The following PRAG1 variants were observed in gnomAD, a reference collection of about 807,000 sequenced individuals.
The protein encoded by PRAG1 is PEAK1 related, kinase-activating pseudokinase 1.
PRAG1 carries 110 observed loss-of-function variants against 95.6 expected under a neutral mutation model. That is an observed-to-expected ratio of 1.15 (90% confidence interval 0.99 to 1.35). The LOEUF (loss-of-function observed/expected upper bound fraction) is 1.35. PRAG1 is among the 40% of genes most tolerant of loss of function. The pLI, the probability that PRAG1 is intolerant of heterozygous loss-of-function variation, is 0.00. For synonymous variants in PRAG1, 1,052 were observed against 819.4 expected (o/e 1.28, Z -4.85); for missense variants, 2,554 against 1,864.7 (o/e 1.37, Z -6.81).
At position 8,376,859 on chromosome 8, in the gene PRAG1, G is replaced by A. The variant is rs1296115326; in HGVS notation, c.1550C>T (p.Thr517Ile). 3 of 1,613,014 alleles carry A rather than the reference G, an allele frequency of 1.9e-6. No homozygotes were observed. The highest frequency in any genetic ancestry group is 2.7e-5 in the African/African-American group (2 of 74,948). Reference sequence around the variant, plus strand: ...GGAGCTCAGCCCCTGCCCAGCCGAAGTCTCCTCTTCACCTACCTCGGAGTT... The same window carrying A: ...GGAGCTCAGCCCCTGCCCAGCCGAAATCTCCTCTTCACCTACCTCGGAGTT... ...SQNSEVGEEE[T>I]SAGQGLSSRE... is the part of the protein sequence containing the mutation. The change falls in exon 3 of 6, where the codon ACT becomes ATT. Residue 517 changes from threonine to isoleucine, a missense_variant. By Grantham distance (89) the Thr-to-Ile change is moderately conservative. Coordinates refer to ENST00000615670, the MANE Select transcript of PRAG1 (RefSeq NM_001080826.3).
intron 4 of PRAG1, among the ~76,000 whole-genome samples, chr8:8,339,165 A>G (rs1324101912): frequency 6.6e-6 from 1 of 152,232 alleles, no homozygotes; most frequent in Non-Finnish European, 1.5e-5. Context: ...TCCTGAGGAC[A>G]GAAGTAAAAA....
intron 5 of PRAG1, among the ~76,000 whole-genome samples, chr8:8,326,760 G>C (rs142657438): frequency 5.3e-5 from 8 of 152,296 alleles, no homozygotes; most frequent in Non-Finnish European, 1.2e-4. Flanking sequence ...TTAGGCTTTG[G>C]AGACAGACAC....
At chr8:8,375,563 C>T (rs1800358589) in intron 3 of PRAG1, among the ~76,000 whole-genome samples, 2 of 152,168 alleles carry the variant, frequency 1.3e-5, no homozygotes, top group Admixed American at 1.3e-4. Flanking sequence ...TTCCTCTTTT[C>T]TGCTTTTGGC....
intron 4 of PRAG1, among the ~76,000 whole-genome samples, chr8:8,338,788 A>G (rs989334009): frequency 1.6e-4 from 25 of 152,234 alleles, no homozygotes; most frequent in African/African-American, 6.0e-4. Flanking sequence ...ATGTGAGTAC[A>G]AGTCTAAATC....
Position 8,317,918 on chromosome 8 carries a change from GAAGAA to G in PRAG1, c.*231_*235del, listed in dbSNP as rs1798326733. 3.1e-6 allele frequency: 1 copy of G among 319,030 alleles called. No homozygotes were observed. The allele number at this position is 319,030 out of a possible 1,614,324, so 19.8% of individuals were successfully genotyped here. On this transcript the variant is annotated 3_prime_UTR_variant, in exon 6 of 6. Coordinates refer to ENST00000615670, the MANE Select transcript of PRAG1 (RefSeq NM_001080826.3). ...GGAACTGGAAATGTGTATAATTACA[GAAGAA>G]AACAGGGAGGACTTAGTGCAGAGAG...
At chr8:8,361,399 G>A (rs997920077) in intron 3 of PRAG1, among the ~76,000 whole-genome samples, 16 of 152,212 alleles carry the variant, frequency 1.1e-4, no homozygotes, top group Non-Finnish European at 1.6e-4. Context: ...TCAGGTCTGG[G>A]ATCGGGTCCG....
At chr8:8,374,554 C>T in intron 3 of PRAG1, 1 of 722,498 alleles carries the variant, frequency 1.4e-6, no homozygotes, top group South Asian at 6.4e-5. Context: ...ATTCCTACCT[C>T]TTAGGGCTGT....
intron 1 of PRAG1, among the ~76,000 whole-genome samples, chr8:8,384,133 G>C (rs535691536): frequency 1.2e-4 from 18 of 152,290 alleles, no homozygotes; most frequent in Non-Finnish European, 2.5e-4. Flanking sequence ...CTGAGGAGGT[G>C]GGTGCCCAAC....
At chr8:8,356,017 AC>A (rs1563244640) in intron 3 of PRAG1, among the ~76,000 whole-genome samples, 1 of 152,230 alleles carries the variant, frequency 6.6e-6, no homozygotes, top group African/African-American at 2.4e-5. Flanking sequence ...ATGTTTGCAA[AC>A]CACGTGTCTG....
Position 8,318,653 on chromosome 8 carries a change from G to C in PRAG1, c.3722C>G (p.Pro1241Arg), listed in dbSNP as rs1311508022. ...QQKKSQARLAPEIVSASQYRK... is the reference protein window; with the variant it reads ...QQKKSQARLAREIVSASQYRK... ...GTACTGGGAAGCAGACACGATCTCG[G>C]GGGCCAGCCGGGCCTGGCTCTTCTT... is the stretch of plus-strand genomic sequence containing the variant. Residue 1241 changes from proline to arginine, a missense_variant, in exon 6 of 6, where the codon CCC becomes CGC. Coordinates refer to ENST00000615670, the MANE Select transcript of PRAG1 (RefSeq NM_001080826.3). The surrounding 1 kb of genome is among the most constrained non-coding windows in gnomAD (Gnocchi z 4.2). The C allele has an allele frequency of 1.9e-6, 3 of 1,612,072 alleles. No homozygotes were observed. Among genetic ancestry groups the C allele is most frequent in the Non-Finnish European group, 2.5e-6 (3 of 1,179,898 alleles).
chr8:8,327,554 AG>A (rs766221590), intron 5 of PRAG1, among the ~76,000 whole-genome samples, 155 bp downstream of exon 5: 9 of 152,170 alleles, frequency 5.9e-5, no homozygotes, highest in Non-Finnish European at 7.3e-5. Flanking sequence ...TGGGCAACAA[AG>A]TGAGACTCTT....
intron 3 of PRAG1, among the ~76,000 whole-genome samples, chr8:8,361,044 C>A (rs750091608): frequency 2.0e-5 from 3 of 152,156 alleles, no homozygotes; most frequent in African/African-American, 4.8e-5. Flanking sequence ...AAGTATATAA[C>A]TGAGGGCCTA....
chr8:8,375,532 G>T (rs1011539399), intron 3 of PRAG1, among the ~76,000 whole-genome samples: 30 of 152,004 alleles, frequency 2.0e-4, no homozygotes, highest in Non-Finnish European at 3.1e-4. Flanking sequence ...ACATCTGAGG[G>T]TTCCTAACCA....
chr8:8,322,204 A>T (rs1798492810), intron 5 of PRAG1, among the ~76,000 whole-genome samples: 3 of 151,804 alleles, frequency 2.0e-5, no homozygotes, highest in Admixed American at 2.0e-4. Flanking sequence ...TGTTTTTGAG[A>T]TGGAGTCTCT....
intron 3 of PRAG1, among the ~76,000 whole-genome samples, chr8:8,348,147 G>A (rs947669531): frequency 6.6e-6 from 1 of 152,186 alleles, no homozygotes; most frequent in Non-Finnish European, 1.5e-5. Flanking sequence ...GAACTCCTGA[G>A]CTGAAGTAAT....
chr8:8,376,146 A>G, intron 3 of PRAG1, 101 bp downstream of exon 3: 7 of 1,486,276 alleles, frequency 4.7e-6, no homozygotes, highest in Non-Finnish European at 6.3e-6. Flanking sequence ...CTTTGGGCAG[A>G]TTCTGGGACC....
In PRAG1 at chr8:8,318,297, C is replaced by A. The variant is rs747535203; in HGVS notation, c.4078G>T (p.Ala1360Ser). The A allele has an allele frequency of 3.1e-6, 5 of 1,614,070 alleles. No individual in the cohort carries two copies. In the African/African-American group the frequency reaches 6.7e-5, roughly 22 times the overall value. ...TLHNWIDMKR[A>S]LMMMKFAEKA... ...TCCGCAAACTTCATCATCATCAGGG[C>A]CCGCTTCATGTCGATCCAGTTGTGC... The change falls in exon 6 of 6, where the codon GCC becomes TCC. Residue 1360 changes from alanine (A) to serine (S), a missense_variant. Transcript: ENST00000615670. This position sits in a 1 kb window ranked among gnomAD's most constrained non-coding sequence, Gnocchi z 4.2.
intron 1 of PRAG1, among the ~76,000 whole-genome samples, chr8:8,383,996 T>C (rs1449600358): frequency 6.6e-6 from 1 of 152,184 alleles, no homozygotes; most frequent in Non-Finnish European, 1.5e-5. Flanking sequence ...GAAAGGACAC[T>C]GTCCAGCCCA....
chr8:8,365,913 G>C (rs971216311), intron 3 of PRAG1, among the ~76,000 whole-genome samples: 2 of 152,110 alleles, frequency 1.3e-5, no homozygotes, highest in African/African-American at 4.8e-5. Flanking sequence ...CCAAGAGGTG[G>C]AGATTGCAGT....
Sources: allele counts gnomAD v4.1 joint callset (sites outside exome capture counted in the v4.1 genomes callset), GRCh38; gene constraint gnomAD v4.1.1; non-coding constraint Gnocchi (gnomAD v3.1); transcripts MANE v1.5; gene names NCBI Gene and HGNC (gene_info 2026-07-23, HGNC 2026-07-21).